SF3B3: variants seen among roughly 807,000 people sequenced by gnomAD.
SF3B3 encodes SAP 130.
In SF3B3, 33 loss-of-function variants were observed where a neutral mutation model predicts 139.2. The observed-to-expected ratio is 0.24, with a 90% CI of 0.18 to 0.32. SF3B3 has a LOEUF of 0.32. Among genes scored for constraint, SF3B3 ranks in the 10% least tolerant of loss-of-function variants. The probability of loss-of-function intolerance (pLI) is 1.00; values close to 1 mark genes in which losing one functional copy is unlikely to be tolerated. For missense variants in SF3B3, 818 were observed against 1,509.4 expected (o/e 0.54, Z 7.59); for synonymous variants, 596 against 563.6 (o/e 1.06, Z -0.81).
intron 2 of SF3B3, among the ~76,000 whole-genome samples, chr16:70,528,494 C>T (rs1284204668): frequency 8.3e-6 from 1 of 119,838 alleles, no homozygotes; most frequent in African/African-American, 3.5e-5. Context: ...TTTTTAGAGA[C>T]GATATCTTGC....
At chr16:70,536,812 T>TC (rs1374862432) in intron 6 of SF3B3, among the ~76,000 whole-genome samples, 3 of 148,552 alleles carry the variant, frequency 2.0e-5, no homozygotes, top group East Asian at 2.0e-4. Context: ...TCTTTCTTTT[T>TC]TTTTTTTTTT....
chr16:70,570,384 G>A (rs1217349093), intron 24 of SF3B3, among the ~76,000 whole-genome samples: 1 of 146,942 alleles, frequency 6.8e-6, no homozygotes, highest in African/African-American at 2.5e-5. Context: ...GGGCTGGAGT[G>A]CAGTGGCGCA....
At chr16:70,568,163 C>G (rs1330173976) in intron 21 of SF3B3, 120 bp from the exon 22 acceptor site, 4 of 756,878 alleles carry the variant, frequency 5.3e-6, no homozygotes, top group Middle Eastern at 2.8e-4. Flanking sequence ...TTGCTAACTG[C>G]TGGTTTTTGG....
At chr16:70,533,408 A>G (rs2050139403) in intron 5 of SF3B3, among the ~76,000 whole-genome samples, 1 of 152,222 alleles carries the variant, frequency 6.6e-6, no homozygotes, top group African/African-American at 2.4e-5. Context: ...CCGCTCTCTG[A>G]GTCTAGTATG....
At chr16:70,542,106 C>T (rs1288889910) in intron 9 of SF3B3, among the ~76,000 whole-genome samples, 1 of 152,138 alleles carries the variant, frequency 6.6e-6, no homozygotes, top group Non-Finnish European at 1.5e-5. Flanking sequence ...AAGTAAAAGT[C>T]CTCCCCGTAA....
Position 70,535,417 on chromosome 16 carries a change from G to A in SF3B3, c.822G>A (p.Arg274=), listed in dbSNP as rs142698073. Residue 274 remains arginine (R), a synonymous_variant, in exon 6 of 26, where the codon AGG becomes AGA. Transcript: ENST00000302516. ...QPDIRCPIPR[R]RNDLDDPERG... ...ATATCCGCTGTCCAATTCCCAGGAG[G>A]CGGGTAAGATCTTTGATATAAGAAG... 178 of 1,569,288 alleles carry A rather than the reference G, an allele frequency of 1.1e-4. No individual in the cohort carries two copies. In the African/African-American group the frequency reaches 1.4e-3, roughly 13 times the overall value.
intron 6 of SF3B3, among the ~76,000 whole-genome samples, chr16:70,537,756 G>A (rs1264845596): frequency 1.3e-5 from 2 of 152,122 alleles, no homozygotes; most frequent in Admixed American, 1.3e-4. Flanking sequence ...TTACTCGGTG[G>A]GAGAAATAGA....
chr16:70,528,774 C>T (rs868820479), intron 2 of SF3B3, 99 bp from the exon 3 acceptor site: 22 of 797,250 alleles, frequency 2.8e-5, no homozygotes, highest in Non-Finnish European at 3.2e-5. Context: ...TGTGCCACCA[C>T]GCCTGGCTAA....
intron 20 of SF3B3, 65 bp from the exon 21 acceptor site, chr16:70,567,346 A>C: frequency 2.6e-6 from 4 of 1,529,040 alleles, no homozygotes; most frequent in African/African-American, 1.4e-5. Flanking sequence ...ATTTCTGGGC[A>C]GAGAGGTGAG....
Position 70,567,398 on chromosome 16 carries a change from T to G in SF3B3, c.2827-13T>G. ...CATTTATAATAGCTGTATTACCTGC[T>G]TTTCCTCTATAGACTCCTGTGGAAG... On this transcript the variant is annotated splice_polypyrimidine_tract_variant and intron_variant, in intron 20 of 25. Coordinates refer to ENST00000302516, the MANE Select transcript of SF3B3 (RefSeq NM_012426.5). 6.2e-7 allele frequency: 1 copy of G among 1,608,196 alleles called. No homozygotes were observed. Among genetic ancestry groups the G allele is most frequent in the African/African-American group, 1.3e-5 (1 of 74,740 alleles).
chr16:70,547,844 C>T (rs931259665), intron 10 of SF3B3, among the ~76,000 whole-genome samples: 1 of 152,178 alleles, frequency 6.6e-6, no homozygotes, highest in Non-Finnish European at 1.5e-5. Context: ...CCCGCCTCGG[C>T]ATCCCAAAGT....
intron 11 of SF3B3, among the ~76,000 whole-genome samples, chr16:70,549,857 G>T (rs543792108): frequency 6.6e-6 from 1 of 152,110 alleles, no homozygotes; most frequent in Non-Finnish European, 1.5e-5. Flanking sequence ...CCTGGGAGGC[G>T]GAGGTTGCAG....
Position 70,529,159 on chromosome 16 carries a change from G to A in SF3B3, c.357G>A (p.Gln119=), listed in dbSNP as rs761101151. 12 of 1,613,866 alleles carry A rather than the reference G, an allele frequency of 7.4e-6. No individual in the cohort carries two copies. Among genetic ancestry groups the A allele is most frequent in the South Asian group, 2.2e-5 (2 of 91,066 alleles). Residue 119 remains glutamine (Q), a synonymous_variant, in exon 3 of 26, where the codon CAG becomes CAA. Transcript: ENST00000302516. ...GATGCCGTCGCATCGTTCCTGGCCA[G>A]TTCTTAGCTGTGGATCCCAAAGGGC... is the stretch of plus-strand genomic sequence containing the variant. ...KSGCRRIVPG[Q]FLAVDPKGRA...
intron 13 of SF3B3, 44 bp downstream of exon 13, chr16:70,555,250 A>G: frequency 6.4e-7 from 1 of 1,554,184 alleles, no homozygotes; most frequent in East Asian, 2.2e-5. Flanking sequence ...TGTAGGGACC[A>G]GAGGGAAAGA....
At position 70,561,684 on chromosome 16, in the gene SF3B3, C is replaced by T; in HGVS notation, c.2188C>T (p.His730Tyr). 1 of 1,613,946 alleles carries T rather than the reference C, an allele frequency of 6.2e-7. No individual in the cohort carries two copies. Among genetic ancestry groups the T allele is most frequent in the Non-Finnish European group, 8.5e-7 (1 of 1,179,886 alleles). ...GAGCTATTCTTACCAATCTCGCTTC[C>T]ATCTCACCCCACTGTCTTACGAGAC... The part of the protein sequence containing the change: ...WLSYSYQSRF[H>Y]LTPLSYETLE... Residue 730 changes from histidine (H) to tyrosine (Y), a missense_variant, in exon 17 of 26, where the codon CAT (histidine) becomes TAT (tyrosine). His to Tyr is a moderately conservative substitution (Grantham distance 83). This residue lies in a region of SF3B3 where 170 missense variants were observed against 353.0 expected (regional missense o/e 0.48). Transcript: ENST00000302516.
intron 5 of SF3B3, among the ~76,000 whole-genome samples, chr16:70,533,451 CAA>C (rs768794668): frequency 4.0e-5 from 6 of 151,528 alleles, no homozygotes; most frequent in Non-Finnish European, 7.4e-5. Context: ...TGGACAGTAA[CAA>C]AAAAAATTTG....
intron 6 of SF3B3, among the ~76,000 whole-genome samples, chr16:70,536,735 G>T (rs1233461954): frequency 6.6e-6 from 1 of 151,400 alleles, no homozygotes; most frequent in Non-Finnish European, 1.5e-5. Context: ...CAAGTCATCT[G>T]CCTGCCTTGG....
intron 11 of SF3B3, among the ~76,000 whole-genome samples, chr16:70,550,028 T>G (rs1221817060): frequency 1.3e-5 from 2 of 152,132 alleles, no homozygotes; most frequent in African/African-American, 2.4e-5. Context: ...AGACACAGTC[T>G]AGGTAATGGG....
intron 16 of SF3B3, 38 bp from the exon 17 acceptor site, chr16:70,561,592 C>G (rs755526582): frequency 1.3e-6 from 2 of 1,598,466 alleles, no homozygotes; most frequent in East Asian, 4.5e-5. Flanking sequence ...TATTTTTTCC[C>G]AAACCTTATT....
Sources: gnomAD v4.1 joint callset for allele counts (sites outside exome capture counted in the v4.1 genomes callset) on GRCh38, gnomAD v4.1.1 for gene constraint, gnomAD v4.1.1 regional missense constraint, MANE v1.5 for transcripts, NCBI Gene and HGNC (gene_info 2026-07-23, HGNC 2026-07-21) for gene names.